The following LUZP1 variants were observed in gnomAD, a reference collection of about 807,000 sequenced individuals.
The protein encoded by LUZP1 is filamin mechanobinding actin cross-linking protein.
Under a neutral mutation model 71.3 loss-of-function variants are expected in LUZP1, and 25 were observed. That is an observed-to-expected ratio of 0.35 (90% confidence interval 0.26 to 0.49). LUZP1 has a LOEUF of 0.49. Ranked by LOEUF, LUZP1 falls within the 20% of genes least tolerant of loss-of-function variation. The pLI, the probability that LUZP1 is intolerant of heterozygous loss-of-function variation, is 0.99. For synonymous variants in LUZP1, 481 were observed against 506.4 expected, an observed-to-expected ratio of 0.95 and a Z score of 0.67; for missense variants, 1,142 against 1,300.8, an observed-to-expected ratio of 0.88 and a Z score of 1.88.
exon 5 of LUZP1, chr1:23,086,135 C>T (rs1190088251): frequency 6.6e-6 from 1 of 152,308 alleles, no homozygotes; most frequent in African/African-American, 2.4e-5. Flanking sequence ...GATGATGAGG[C>T]CTGGGTCCAA....
chr1:23,104,089 G>C (rs1557641667), intron 3 of LUZP1, among the ~76,000 whole-genome samples: 1 of 152,058 alleles, frequency 6.6e-6, no homozygotes, highest in Non-Finnish European at 1.5e-5. Context: ...CAGAGGCTGA[G>C]GGTGTACTGT....
intron 2 of LUZP1, among the ~76,000 whole-genome samples, chr1:23,143,529 G>GCTATAAACAC (rs1644321067): frequency 1.3e-5 from 2 of 152,156 alleles, no homozygotes; most frequent in Non-Finnish European, 2.9e-5. Context: ...ACTGTCTATA[G>GCTATAAACAC]TGTTTTAGTT....
At chr1:23,135,896 C>A (rs1226231314) in intron 2 of LUZP1, among the ~76,000 whole-genome samples, 1 of 152,072 alleles carries the variant, frequency 6.6e-6, no homozygotes, top group Non-Finnish European at 1.5e-5. Flanking sequence ...GATATAACTC[C>A]TTAACCAGAC....
chr1:23,107,864 G>A (rs1485036902), intron 3 of LUZP1, among the ~76,000 whole-genome samples: 6 of 152,166 alleles, frequency 3.9e-5, no homozygotes, highest in African/African-American at 1.2e-4. Flanking sequence ...CCACTCCTTC[G>A]AGAAGAGTTC....
At chr1:23,099,023 CT>C (rs1322933166) in intron 3 of LUZP1, among the ~76,000 whole-genome samples, 3 of 152,240 alleles carry the variant, frequency 2.0e-5, no homozygotes, top group African/African-American at 7.2e-5. Flanking sequence ...GTCCATCACT[CT>C]GCTTCTCTGG....
At chr1:23,084,318 G>A (rs1261295469) in exon 5 of LUZP1, 1 of 152,160 alleles carries the variant, frequency 6.6e-6, no homozygotes, top group Non-Finnish European at 1.5e-5. Flanking sequence ...GCTCTTTTCA[G>A]CTTCTAGGTG....
At chr1:23,129,918 T>C (rs1644200965) in intron 2 of LUZP1, among the ~76,000 whole-genome samples, 1 of 152,200 alleles carries the variant, frequency 6.6e-6, no homozygotes, top group Admixed American at 6.5e-5. Flanking sequence ...TTATAAATAT[T>C]ATAAATAAAT....
At chr1:23,119,248 GCT>G (rs1644110834) in intron 2 of LUZP1, among the ~76,000 whole-genome samples, 1 of 117,846 alleles carries the variant, frequency 8.5e-6, no homozygotes, top group African/African-American at 3.4e-5. Context: ...GATGTGACTA[GCT>G]CTTTTTTTTT....
intron 2 of LUZP1, among the ~76,000 whole-genome samples, chr1:23,157,707 C>G (rs945433453): frequency 6.6e-6 from 1 of 152,112 alleles, no homozygotes; most frequent in Non-Finnish European, 1.5e-5. Context: ...AGAAGAATAG[C>G]TTGAACCCAG....
exon 4 of LUZP1, chr1:23,091,508 A>G: frequency 6.2e-7 from 1 of 1,614,188 alleles, no homozygotes; most frequent in Non-Finnish European, 8.5e-7. Context: ...TCCGCACAGT[A>G]ACATGTCTGG....
intron 2 of LUZP1, among the ~76,000 whole-genome samples, chr1:23,135,904 GACTA>G (rs1644249557): frequency 6.6e-6 from 1 of 152,084 alleles, no homozygotes; most frequent in African/African-American, 2.4e-5. Flanking sequence ...TCCTTAACCA[GACTA>G]ACTTAGTAAC....
At chr1:23,176,878 G>T (rs1296264278) in intron 1 of LUZP1, among the ~76,000 whole-genome samples, 10 of 111,496 alleles carry the variant, frequency 9.0e-5, no homozygotes, top group East Asian at 5.8e-4. Context: ...ATTTTGGGGG[G>T]TTTTTTGTTT....
chr1:23,087,188 C>T (rs1643779608), exon 5 of LUZP1: 1 of 152,222 alleles, frequency 6.6e-6, no homozygotes, highest in South Asian at 2.1e-4. Flanking sequence ...GAGACCATCC[C>T]ATCTAATCCC....
Position 23,093,273 on chromosome 1 carries a change from T to C in LUZP1, c.989A>G (p.Gln330Arg), listed in dbSNP as rs1018603810. The change falls in exon 4 of 5, where the codon CAA becomes CGA. Residue 330 changes from glutamine to arginine, a missense_variant. By Grantham distance (43) the Gln-to-Arg change is conservative. Transcript: ENST00000302291. This position sits in a 1 kb window ranked among gnomAD's most constrained non-coding sequence, Gnocchi z 4.2. Reference sequence around the variant, plus strand: ...GCTGGCTAATAATTTGTTTTTATTTTGTTCACTTAGGTAATTATCCTGAAG... The same window carrying C: ...GCTGGCTAATAATTTGTTTTTATTTCGTTCACTTAGGTAATTATCCTGAAG... The C allele has an allele frequency of 5.0e-6, 8 of 1,612,178 alleles. No homozygotes were observed. Among genetic ancestry groups the C allele is most frequent in the Non-Finnish European group, 6.8e-6 (8 of 1,179,594 alleles).
At chr1:23,104,251 C>T (rs1643961494) in intron 3 of LUZP1, among the ~76,000 whole-genome samples, 1 of 151,678 alleles carries the variant, frequency 6.6e-6, no homozygotes, top group African/African-American at 2.4e-5. Flanking sequence ...ACGATCTCAG[C>T]TCACTGCAAC....
chr1:23,130,952 T>C (rs1288641128), intron 2 of LUZP1, among the ~76,000 whole-genome samples: 2 of 152,078 alleles, frequency 1.3e-5, no homozygotes, highest in Non-Finnish European at 2.9e-5. Flanking sequence ...GCACAGTGGC[T>C]CACACCTGTA....
chr1:23,089,952 G>T (rs953323568), intron 4 of LUZP1, among the ~76,000 whole-genome samples: 2 of 152,162 alleles, frequency 1.3e-5, no homozygotes, highest in African/African-American at 4.8e-5. Flanking sequence ...TAGAGACGGG[G>T]TTTCACTATA....
At chr1:23,142,016 G>C (rs1428124842) in intron 2 of LUZP1, among the ~76,000 whole-genome samples, 3 of 151,502 alleles carry the variant, frequency 2.0e-5, no homozygotes. Context: ...GGCTAATTTT[G>C]TATTTTTTTA....
chr1:23,128,137 A>T (rs1644186979), intron 2 of LUZP1, among the ~76,000 whole-genome samples: 1 of 152,086 alleles, frequency 6.6e-6, no homozygotes, highest in Admixed American at 6.5e-5. Context: ...CCCAAAAAGA[A>T]AAAAAGAAAA....
Sources: gnomAD v4.1 joint callset for allele counts (sites outside exome capture counted in the v4.1 genomes callset) on GRCh38, gnomAD v4.1.1 for gene constraint, Gnocchi (gnomAD v3.1) non-coding constraint, MANE v1.5 for transcripts, NCBI Gene and HGNC (gene_info 2026-07-23, HGNC 2026-07-21) for gene names.